The following ATRNL1 variants were observed in gnomAD, a reference collection of about 807,000 sequenced individuals.
The protein encoded by ATRNL1 is attractin-like protein 1.
ATRNL1 carries 95 observed loss-of-function variants against 182.7 expected under a neutral mutation model. The observed-to-expected ratio is 0.52, with a 90% confidence interval of 0.44 to 0.62. The LOEUF (loss-of-function observed/expected upper bound fraction) is 0.62, where lower values mean the gene tolerates loss of function less well. ATRNL1 is among the 20% of genes least tolerant of loss of function. The probability of loss-of-function intolerance (pLI) is 0.00; values close to 1 mark genes in which losing one functional copy is unlikely to be tolerated. For synonymous variants in ATRNL1, 576 were observed against 568.3 expected (o/e 1.01, Z -0.19); for missense variants, 1,471 against 1,679.5 (o/e 0.88, Z 2.17).
At chr10:115,890,725 C>T (rs1952059584) in intron 28 of ATRNL1, among the ~76,000 whole-genome samples, 1 of 152,060 alleles carries the variant, frequency 6.6e-6, no homozygotes, top group East Asian at 1.9e-4. Flanking sequence ...GAAATATAGC[C>T]CCGTAATGAT....
chr10:115,328,180 GATA>G (rs140626269), intron 18 of ATRNL1, among the ~76,000 whole-genome samples: 1,957 of 152,020 alleles, frequency 0.013, 35 homozygotes, highest in African/African-American at 0.044. Context: ...TTATTGTAAA[GATA>G]ATATTAATTT....
chr10:115,136,502 G>A (rs1042290803), intron 5 of ATRNL1, among the ~76,000 whole-genome samples: 4 of 152,208 alleles, frequency 2.6e-5, no homozygotes, highest in African/African-American at 9.6e-5. Context: ...TGGACATTCT[G>A]TGGGTTTGGA....
intron 19 of ATRNL1, among the ~76,000 whole-genome samples, chr10:115,350,344 A>C (rs11595652): frequency 2.6e-3 from 187 of 71,572 alleles, no homozygotes; most frequent in Middle Eastern, 0.019. Flanking sequence ...CAAAAAAAAA[A>C]AGAAAAAAAA....
chr10:115,735,001 CTTTGTT>C (rs1234330363), intron 27 of ATRNL1, among the ~76,000 whole-genome samples: 1 of 151,946 alleles, frequency 6.6e-6, no homozygotes, highest in Non-Finnish European at 1.5e-5. Context: ...TTCCAATTTT[CTTTGTT>C]TTTGTTACCT....
chr10:115,345,825 T>C (rs1855950715), intron 19 of ATRNL1, among the ~76,000 whole-genome samples: 1 of 152,220 alleles, frequency 6.6e-6, no homozygotes, highest in Admixed American at 6.5e-5. Flanking sequence ...ATTCTAGATA[T>C]TTCATATAAA....
rs567761125 is a variant in ATRNL1 at position 115,459,522 on chromosome 10, A to G, written c.3323-2419A>G. 1.6e-4 allele frequency among the ~76,000 whole-genome samples: 25 copies of G among 152,236 alleles called. No individual in the cohort carries two copies. In the East Asian group the frequency reaches 3.1e-3, roughly 19 times the overall value. On this transcript the variant is annotated intron_variant, in intron 21 of 28. Coordinates refer to ENST00000355044, the MANE Select transcript of ATRNL1 (RefSeq NM_207303.4). ...AACTCCAGTCTCCCATAGCGCTCCC[A>G]GGCTTATTAGGAAGAGGAAATTCCC...
At chr10:115,175,128 G>T (rs1847449778) in intron 8 of ATRNL1, among the ~76,000 whole-genome samples, 2 of 151,866 alleles carry the variant, frequency 1.3e-5, no homozygotes, top group African/African-American at 2.4e-5. Context: ...CATTAAAATG[G>T]AATCTCTAGG....
intron 27 of ATRNL1, among the ~76,000 whole-genome samples, chr10:115,754,867 C>T (rs1948545196): frequency 6.6e-6 from 1 of 152,072 alleles, no homozygotes; most frequent in South Asian, 2.1e-4. Context: ...TGTCATTCTC[C>T]TTGAAGAGAT....
At chr10:115,140,799 A>G (rs1845725944) in intron 5 of ATRNL1, among the ~76,000 whole-genome samples, 1 of 152,148 alleles carries the variant, frequency 6.6e-6, no homozygotes, top group African/African-American at 2.4e-5. Context: ...GTATCTGGAA[A>G]TGTAAATCAT....
intron 8 of ATRNL1, among the ~76,000 whole-genome samples, chr10:115,203,726 T>C (rs751423138): frequency 8.1e-5 from 12 of 148,748 alleles, no homozygotes; most frequent in Non-Finnish European, 1.2e-4. Context: ...ACTGCAGAAG[T>C]GCACCACCAT....
At chr10:115,580,933 C>A (rs1855030183) in intron 26 of ATRNL1, among the ~76,000 whole-genome samples, 1 of 152,104 alleles carries the variant, frequency 6.6e-6, no homozygotes, top group African/African-American at 2.4e-5. Flanking sequence ...AAATTCTCAG[C>A]TTGTCATGCA....
intron 27 of ATRNL1, among the ~76,000 whole-genome samples, chr10:115,760,955 CT>C (rs1555073440): frequency 6.6e-6 from 1 of 152,132 alleles, no homozygotes; most frequent in Non-Finnish European, 1.5e-5. Context: ...TCAATAGATT[CT>C]TTTTTACTAA....
intron 9 of ATRNL1, among the ~76,000 whole-genome samples, chr10:115,221,000 C>T (rs1849441013): frequency 6.6e-6 from 1 of 152,138 alleles, no homozygotes; most frequent in African/African-American, 2.4e-5. Context: ...CTCCCAAGCC[C>T]TATCATCATC....
chr10:115,579,168 A>T (rs1576148), intron 26 of ATRNL1, among the ~76,000 whole-genome samples: 1 of 151,454 alleles, frequency 6.6e-6, no homozygotes. Context: ...AGGAATGTGT[A>T]TTCTATTACT....
At chr10:115,203,122 A>G (rs1329340703) in intron 8 of ATRNL1, among the ~76,000 whole-genome samples, 1 of 152,162 alleles carries the variant, frequency 6.6e-6, no homozygotes, top group East Asian at 1.9e-4. Context: ...AAATGATTGT[A>G]TTTTAATATA....
At chr10:115,749,260 T>C (rs1948379738) in intron 27 of ATRNL1, among the ~76,000 whole-genome samples, 1 of 151,952 alleles carries the variant, frequency 6.6e-6, no homozygotes. Context: ...TATTTTGTTT[T>C]ATTTCTTTAT....
intron 26 of ATRNL1, among the ~76,000 whole-genome samples, chr10:115,672,661 G>GT (rs1313957406): frequency 6.6e-6 from 1 of 152,058 alleles, no homozygotes; most frequent in African/African-American, 2.4e-5. Context: ...TACAGAAATT[G>GT]TTTTTTATGT....
intron 27 of ATRNL1, among the ~76,000 whole-genome samples, chr10:115,795,998 C>T (rs1949645445): frequency 6.6e-6 from 1 of 152,126 alleles, no homozygotes; most frequent in Non-Finnish European, 1.5e-5. Flanking sequence ...ATCACTCCCA[C>T]ATCTAGCTTC....
intron 27 of ATRNL1, among the ~76,000 whole-genome samples, chr10:115,840,440 C>T (rs1555096730): frequency 6.6e-6 from 1 of 152,152 alleles, no homozygotes; most frequent in Non-Finnish European, 1.5e-5. Flanking sequence ...CAATCACTGA[C>T]TTACTGAGTA....
Sources: allele counts gnomAD v4.1 joint callset (sites outside exome capture counted in the v4.1 genomes callset), GRCh38; gene constraint gnomAD v4.1.1; transcripts MANE v1.5; gene names NCBI Gene and HGNC (gene_info 2026-07-23, HGNC 2026-07-21).